The following HSPA12A variants were observed in gnomAD, a reference collection of about 807,000 sequenced individuals.
The protein encoded by HSPA12A is heat shock 70 kDa protein 12A.
A neutral mutation model predicts 69.2 loss-of-function variants in HSPA12A; 28 were observed. The ratio of observed to expected loss-of-function variants is 0.40; its 90% CI spans 0.30 to 0.55. The LOEUF (loss-of-function observed/expected upper bound fraction) is 0.55. Among genes scored for constraint, HSPA12A ranks in the 20% least tolerant of loss-of-function variants. HSPA12A has a pLI of 0.38. For missense variants in HSPA12A, 686 were observed against 900.7 expected (o/e 0.76, Z 3.05); for synonymous variants, 345 against 370.5 (o/e 0.93, Z 0.79).
At chr10:116,726,756 C>CT (rs1850977529) in intron 1 of HSPA12A, among the ~76,000 whole-genome samples, 1 of 152,220 alleles carries the variant, frequency 6.6e-6, no homozygotes, top group Non-Finnish European at 1.5e-5. Flanking sequence ...GTCGGGCTCA[C>CT]TGTCACTTTC....
intron 1 of HSPA12A, among the ~76,000 whole-genome samples, chr10:116,837,478 A>G (rs976361327): frequency 1.3e-5 from 2 of 152,180 alleles, no homozygotes; most frequent in African/African-American, 4.8e-5. Context: ...AGGCAAAAAC[A>G]TCTGCCTACT....
At position 116,675,425 on chromosome 10, in the gene HSPA12A, G is replaced by A. The variant is rs1554877558; in HGVS notation, c.1391-7C>T. ...GGCTTCTGAAACAGGTCCCCTGGAA[G>A]GGAAGAGGCAGGGAGAATGTCCTGT... is the stretch of plus-strand genomic sequence containing the variant. On this transcript the variant is annotated splice_polypyrimidine_tract_variant and splice_region_variant and intron_variant, in intron 11 of 11. Transcript: ENST00000369209. The surrounding 1 kb of genome is among the most constrained non-coding windows in gnomAD (Gnocchi z 5.2). 6.4e-7 allele frequency: 1 copy of A among 1,573,740 alleles called. No homozygotes were observed. The highest frequency in any genetic ancestry group is 2.3e-5 in the East Asian group (1 of 43,456).
At chr10:116,740,277 T>C (rs1851442884) in intron 1 of HSPA12A, among the ~76,000 whole-genome samples, 1 of 152,214 alleles carries the variant, frequency 6.6e-6, no homozygotes, top group East Asian at 1.9e-4. Flanking sequence ...AGGTTTGTTG[T>C]GAGCCTTTAA....
intron 2 of HSPA12A, among the ~76,000 whole-genome samples, chr10:116,773,512 G>A (rs1326206173): frequency 1.3e-5 from 2 of 152,192 alleles, no homozygotes; most frequent in Non-Finnish European, 2.9e-5. Flanking sequence ...ACATGACCAG[G>A]GAGCAGTTCT....
At chr10:116,836,338 G>A (rs1240450170) in intron 1 of HSPA12A, among the ~76,000 whole-genome samples, 1 of 152,114 alleles carries the variant, frequency 6.6e-6, no homozygotes, top group African/African-American at 2.4e-5. Flanking sequence ...TGGCAGTGGT[G>A]GAGGGAGCAT....
intron 2 of HSPA12A, among the ~76,000 whole-genome samples, chr10:116,814,879 G>A (rs191840717): frequency 2.3e-4 from 35 of 152,268 alleles, no homozygotes; most frequent in Admixed American, 5.9e-4. Context: ...TACAGCCTAC[G>A]TTATAAAGGG....
intron 2 of HSPA12A, among the ~76,000 whole-genome samples, chr10:116,782,686 A>G (rs897460818): frequency 3.3e-5 from 5 of 152,234 alleles, no homozygotes; most frequent in South Asian, 2.1e-4. Flanking sequence ...TAGACATGCT[A>G]TCAACTGCTT....
chr10:116,775,573 G>A (rs528050053), intron 2 of HSPA12A, among the ~76,000 whole-genome samples: 8 of 152,300 alleles, frequency 5.3e-5, no homozygotes, highest in East Asian at 1.9e-4. Flanking sequence ...CAGGGCACCC[G>A]ATGAGAGGGG....
chr10:116,770,281 T>G (rs1470988124), intron 2 of HSPA12A, among the ~76,000 whole-genome samples: 1 of 152,060 alleles, frequency 6.6e-6, no homozygotes, highest in Non-Finnish European at 1.5e-5. Context: ...CTGTGAGAGC[T>G]GCTGGTGAAG....
chr10:116,725,244 G>A (rs969673913), intron 1 of HSPA12A, among the ~76,000 whole-genome samples: 15 of 152,168 alleles, frequency 9.9e-5, no homozygotes, highest in African/African-American at 3.6e-4. Flanking sequence ...TTCCCCAAAT[G>A]TCCCCTGCCT....
chr10:116,786,104 G>A (rs1042196962), intron 2 of HSPA12A, among the ~76,000 whole-genome samples: 2 of 152,202 alleles, frequency 1.3e-5, no homozygotes, highest in African/African-American at 2.4e-5. Flanking sequence ...AGCCCCACGT[G>A]GAGCCTCTCG....
intron 5 of HSPA12A, among the ~76,000 whole-genome samples, chr10:116,696,570 A>G (rs1400742297): frequency 3.9e-5 from 6 of 152,058 alleles, no homozygotes; most frequent in African/African-American, 1.5e-4. Flanking sequence ...TTTATAAATT[A>G]CCCAATCTCA....
rs1398885974 is a variant in HSPA12A at position 116,723,811 on chromosome 10, C to T, written c.41-16526G>A. 6.6e-6 allele frequency among the ~76,000 whole-genome samples: 1 copy of T among 152,224 alleles called. No homozygotes were observed. ...CCGTTCCTTAGATCCCGGCTGCTTC[C>T]AGTACCGAGCCACCTCCAAAGAGAA... On this transcript the variant is annotated intron_variant, in intron 1 of 11. Transcript: ENST00000369209. The surrounding 1 kb of genome is among the most constrained non-coding windows in gnomAD (Gnocchi z 4.1).
rs782405246 is a variant in HSPA12A, at chr10:116,679,733, A to G, written c.1056T>C (p.Asp352=). The G allele has an allele frequency of 6.2e-7, 1 of 1,614,152 alleles. No individual in the cohort carries two copies. Among genetic ancestry groups the G allele is most frequent in the Non-Finnish European group, 8.5e-7 (1 of 1,179,992 alleles). The change falls in exon 10 of 12, where the codon GAT becomes GAC. Residue 352 remains aspartate, a synonymous_variant. Coordinates refer to ENST00000369209, the MANE Select transcript of HSPA12A (RefSeq NM_025015.3). ...TGGPYGSLGV[D]YEFEKLLYKI... ...TATACAGAAGTTTTTCGAACTCATA[A>G]TCTACTCCTAAAGATCCATAGGGTC...
intron 1 of HSPA12A, among the ~76,000 whole-genome samples, chr10:116,717,515 G>T (rs1348901407): frequency 6.6e-6 from 1 of 152,136 alleles, no homozygotes; most frequent in Non-Finnish European, 1.5e-5. Context: ...TAAGAGAGAT[G>T]TTAGAGGTAC....
chr10:116,733,399 G>A (rs1554886077), intron 1 of HSPA12A, among the ~76,000 whole-genome samples: 1 of 152,192 alleles, frequency 6.6e-6, no homozygotes. Context: ...CCAGCCGCCT[G>A]GGTACAGGAA....
intron 2 of HSPA12A, among the ~76,000 whole-genome samples, chr10:116,799,020 T>G (rs1681735): frequency 1 from 152,066 of 152,206 alleles, 75,963 homozygotes; most frequent in Middle Eastern, 1. Flanking sequence ...TGCCCAGGGC[T>G]CTGCTGACTC....
chr10:116,677,677 T>C (rs1554877919), intron 10 of HSPA12A, among the ~76,000 whole-genome samples: 1 of 152,160 alleles, frequency 6.6e-6, no homozygotes, highest in South Asian at 2.1e-4. Context: ...CAGGGCTTCT[T>C]AGGGAAATGG....
intron 3 of HSPA12A, among the ~76,000 whole-genome samples, chr10:116,704,640 A>T (rs1850187422): frequency 6.6e-6 from 1 of 152,064 alleles, no homozygotes; most frequent in Non-Finnish European, 1.5e-5. Flanking sequence ...AATAAAAGAA[A>T]GGGCCAGCAC....
Sources: allele counts gnomAD v4.1 joint callset (sites outside exome capture counted in the v4.1 genomes callset), GRCh38; gene constraint gnomAD v4.1.1; non-coding constraint Gnocchi (gnomAD v3.1); transcripts MANE v1.5; gene names NCBI Gene and HGNC (gene_info 2026-07-23, HGNC 2026-07-21).